SYNJ2: variants seen among roughly 807,000 people sequenced by gnomAD.
The protein encoded by SYNJ2 is polyphosphatidylinositol phosphatase SYNJ2.
A neutral mutation model predicts 141.3 loss-of-function variants in SYNJ2; 116 were observed. The observed-to-expected ratio is 0.82, with a 90% CI of 0.71 to 0.96. The LOEUF is 0.96. Ranked by LOEUF, SYNJ2 falls within the 40% of genes least tolerant of loss-of-function variation. The pLI is 0.00. For synonymous variants in SYNJ2, 745 were observed against 777.7 expected, an observed-to-expected ratio of 0.96 and a Z score of 0.70; for missense variants, 1,873 against 1,934.8, an observed-to-expected ratio of 0.97 and a Z score of 0.60.
Position 158,084,213 on chromosome 6 carries a change from G to C in SYNJ2, c.3208+39G>C, listed in dbSNP as rs950022940. On this transcript the variant is annotated intron_variant, in intron 22 of 26. Coordinates refer to ENST00000355585, the MANE Select transcript of SYNJ2 (RefSeq NM_003898.4). This position sits in a 1 kb window ranked among gnomAD's most constrained non-coding sequence, Gnocchi z 5.0. ...TCTTTTCTCAGGAGCCTCAGCGATG[G>C]AGTCAGCTCAGGACAGACTTTCCTT... 6.3e-6 allele frequency: 10 copies of C among 1,599,014 alleles called. No individual in the cohort carries two copies. In the Middle Eastern group the frequency reaches 5.2e-4, roughly 83 times the overall value.
chr6:158,070,006 T>G lies in SYNJ2; in HGVS notation c.1940+333T>G. The G allele has an allele frequency of 2.1e-6, 1 of 477,348 alleles. No homozygotes were observed. The highest frequency in any genetic ancestry group is 2.8e-6 in the Non-Finnish European group (1 of 354,216). 29.6% of individuals were successfully genotyped at this position (477,348 alleles called of 1,614,324 possible). On this transcript the variant is annotated intron_variant, in intron 14 of 26. Transcript: ENST00000355585. The surrounding 1 kb of genome is among the most constrained non-coding windows in gnomAD (Gnocchi z 4.0). ...AGACAGGAAACCTCTGACCAAGAGC[T>G]GAGTAACTCACTGGGAAATGCCAAC...
intron 1 of SYNJ2, among the ~76,000 whole-genome samples, chr6:157,993,959 C>T (rs763980154): frequency 9.3e-5 from 14 of 151,156 alleles, no homozygotes; most frequent in Admixed American, 4.0e-4. Context: ...GGACTACAGG[C>T]GCCCGCCACC....
In SYNJ2 at chr6:158,093,008, C is replaced by T; in HGVS notation, c.3648C>T (p.Ala1216=). The change falls in exon 26 of 27, where the codon GCC becomes GCT. Residue 1216 remains alanine, a synonymous_variant. Coordinates refer to ENST00000355585, the MANE Select transcript of SYNJ2 (RefSeq NM_003898.4). ...SSEPEPTPGA[A]KPETPQAPPL... is the part of the protein sequence containing the mutation. ...AACCAGAGCCCACACCGGGGGCAGC[C>T]AAACCAGAGACCCCACAGGCGCCCC... The T allele has an allele frequency of 7.4e-6, 12 of 1,613,262 alleles. No individual in the cohort carries two copies. The highest frequency in any genetic ancestry group is 9.3e-6 in the Non-Finnish European group (11 of 1,179,780).
rs1312763731 is a variant in SYNJ2 at position 157,997,027 on chromosome 6, A to AC, written c.127+14948dup. Among the ~76,000 whole-genome samples the AC allele has an allele frequency of 6.5e-4, 76 of 116,160 alleles. 1 individual carries two copies. Among genetic ancestry groups the AC allele is most frequent in the Admixed American group, 8.9e-4 (9 of 10,090 alleles). 76.2% of individuals were successfully genotyped at this position (116,160 alleles called of 152,430 possible). A position where few individuals can be genotyped will look rare whatever the true frequency, so the allele number is the denominator to read the frequency against. ...CTGCCTCCGTCTCCCCACCTACCCC[A>AC]CCCCCCCCCACCCAGCTTCGTGACT... On this transcript the variant is annotated intron_variant, in intron 1 of 26. Transcript: ENST00000355585.
chr6:158,089,734 A>G (rs565542071), intron 24 of SYNJ2, 105 bp from the exon 25 acceptor site: 90 of 707,844 alleles, frequency 1.3e-4, no homozygotes, highest in East Asian at 1.9e-4. Context: ...TATGGTCAGC[A>G]TCGTCTGGTG....
At position 158,027,741 on chromosome 6, in the gene SYNJ2, A is replaced by G. The variant is rs1779128061; in HGVS notation, c.215-1015A>G. 6.6e-6 allele frequency: 1 copy of G among 152,106 alleles called. No individual in the cohort carries two copies. Among genetic ancestry groups the G allele is most frequent in the Non-Finnish European group, 1.5e-5 (1 of 68,044 alleles). The allele number at this position is 152,106 out of a possible 1,614,324, so 9.4% of individuals were successfully genotyped here. On this transcript the variant is annotated intron_variant, in intron 2 of 26. Transcript: ENST00000355585. The surrounding 1 kb of genome is among the most constrained non-coding windows in gnomAD (Gnocchi z 4.6). ...GTGTGTGTGACAACTGCTGATGGGA[A>G]TGCTATTGGCACGTACGAGGGGTGC...
intron 26 of SYNJ2, among the ~76,000 whole-genome samples, chr6:158,093,326 C>T (rs1416135203): frequency 2.6e-5 from 4 of 151,860 alleles, no homozygotes; most frequent in African/African-American, 9.7e-5. Context: ...ATCCCAGCTA[C>T]TCAGGAGGCT....
At chr6:157,992,535 T>C (rs1353903089) in intron 1 of SYNJ2, among the ~76,000 whole-genome samples, 1 of 151,210 alleles carries the variant, frequency 6.6e-6, no homozygotes, top group Non-Finnish European at 1.5e-5. Flanking sequence ...GTAGCTGGGA[T>C]TACAGGCACC....
At chr6:158,065,086 A>G in intron 11 of SYNJ2, 95 bp downstream of exon 11, 1 of 1,411,576 alleles carries the variant, frequency 7.1e-7, no homozygotes, top group South Asian at 1.5e-5. Context: ...AGCGGGTGGC[A>G]GAGGTGCCTG....
At chr6:158,089,784 G>A (rs1005051380) in intron 24 of SYNJ2, 55 bp from the exon 25 acceptor site, 5 of 1,391,078 alleles carry the variant, frequency 3.6e-6, no homozygotes, top group African/African-American at 2.9e-5. Context: ...TACGTCCCAC[G>A]AGGCTGTCCT....
At chr6:158,083,299 T>G (rs1330232873) in intron 20 of SYNJ2, 130 bp from the exon 21 acceptor site, 5 of 1,129,908 alleles carry the variant, frequency 4.4e-6, no homozygotes, top group Non-Finnish European at 5.0e-6. Context: ...TCTGGACCCT[T>G]GGTTTTTCAG....
At chr6:158,015,904 T>G (rs1443171858) in intron 1 of SYNJ2, among the ~76,000 whole-genome samples, 1 of 152,192 alleles carries the variant, frequency 6.6e-6, no homozygotes, top group Non-Finnish European at 1.5e-5. Context: ...AGTGTACAAC[T>G]CCATGTTTCT....
intron 7 of SYNJ2, 148 bp from the exon 8 acceptor site, chr6:158,061,844 C>G: frequency 1.3e-6 from 1 of 796,610 alleles, no homozygotes; most frequent in Non-Finnish European, 2.0e-6. Context: ...TTGGGGTCAA[C>G]TGCCTGGTCC....
Position 158,033,549 on chromosome 6 carries a change from G to A in SYNJ2, c.580G>A (p.Val194Met), listed in dbSNP as rs756166754. ...CTGCGGGGTGGTCACCATCCGCACC[G>A]TGTATGCCTCCCACAAGCAGGCCAA... Reference protein sequence around the residue: ...IICGVVTIRTVYASHKQAKAC... With the variant: ...IICGVVTIRTMYASHKQAKAC... Residue 194 changes from valine (V) to methionine (M), a missense_variant, in exon 4 of 27, where the codon GTG becomes ATG. Val to Met is a conservative substitution (Grantham distance 21, BLOSUM62 1). Transcript: ENST00000355585. 1.4e-5 allele frequency: 23 copies of A among 1,614,172 alleles called. No homozygotes were observed. Among genetic ancestry groups the A allele is most frequent in the East Asian group, 2.2e-5 (1 of 44,886 alleles).
intron 5 of SYNJ2, among the ~76,000 whole-genome samples, chr6:158,050,675 G>C (rs1010442340): frequency 6.6e-6 from 1 of 152,176 alleles, no homozygotes; most frequent in African/African-American, 2.4e-5. Flanking sequence ...CATGCCGTCT[G>C]CTTGCCACAT....
chr6:158,093,445 A>C (rs892303831), intron 26 of SYNJ2, among the ~76,000 whole-genome samples: 1 of 103,262 alleles, frequency 9.7e-6, no homozygotes, highest in Non-Finnish European at 2.0e-5. Flanking sequence ...CAAAAAAAAA[A>C]AAAACAAAAA....
chr6:158,063,659 CAAAAAAAAAA>C (rs71298907), intron 8 of SYNJ2, 122 bp from the exon 9 acceptor site: 27,611 of 186,884 alleles, frequency 0.15, 690 homozygotes, highest in African/African-American at 0.24. Flanking sequence ...GACTCTGTCT[CAAAAAAAAAA>C]AAAAAAAAAA....
chr6:158,046,399 G>A (rs1011080168), intron 5 of SYNJ2, among the ~76,000 whole-genome samples: 39 of 152,162 alleles, frequency 2.6e-4, no homozygotes, highest in African/African-American at 9.4e-4. Flanking sequence ...GGGCCGGGAG[G>A]GCAGCGGGAA....
intron 5 of SYNJ2, among the ~76,000 whole-genome samples, chr6:158,046,387 G>A (rs1780238074): frequency 6.6e-6 from 1 of 152,206 alleles, no homozygotes; most frequent in Non-Finnish European, 1.5e-5. Context: ...CATCTTCACA[G>A]GGGGCCGGGA....
Sources: allele counts gnomAD v4.1 joint callset (sites outside exome capture counted in the v4.1 genomes callset), GRCh38; gene constraint gnomAD v4.1.1; non-coding constraint Gnocchi (gnomAD v3.1); transcripts MANE v1.5; gene names NCBI Gene and HGNC (gene_info 2026-07-23, HGNC 2026-07-21).